Variants in ULK4 observed in about 807,000 individuals in gnomAD.
The protein encoded by ULK4 is inactive serine/threonine-protein kinase ULK4.
ULK4 carries 133 observed loss-of-function variants against 160.6 expected under a neutral mutation model. The observed-to-expected ratio is 0.83, with a 90% CI of 0.72 to 0.96. The LOEUF is 0.96. Among genes scored for constraint, ULK4 ranks in the 40% least tolerant of loss-of-function variants. ULK4 has a pLI of 0.00. For synonymous variants in ULK4, 534 were observed against 539.8 expected, an observed-to-expected ratio of 0.99 and a Z score of 0.15; for missense variants, 1,580 against 1,499.5, an observed-to-expected ratio of 1.05 and a Z score of -0.89.
rs574588000 is a variant in ULK4 at position 41,780,012 on chromosome 3, A to G, written c.2193+9649T>C. Among the ~76,000 whole-genome samples the G allele has an allele frequency of 2.0e-5, 3 of 150,192 alleles. No individual in the cohort carries two copies. The South Asian group carries it at 6.3e-4, about 31-fold the overall frequency. On this transcript the variant is annotated intron_variant, in intron 21 of 36. Transcript: ENST00000301831. ...AAAAAAAAAAAAAAAAAAAAGGTAC[A>G]AAATGGGCCAGATGCCGTGGCTCAC...
Position 41,256,005 on chromosome 3 carries a change from T to C in ULK4, c.3679-6431A>G, listed in dbSNP as rs2078828355. ...CTGACAAATTCCAAAGGTATAAATC[T>C]GATAAAATATATCAGGATCTCTATG... On this transcript the variant is annotated intron_variant, in intron 35 of 36. Transcript: ENST00000301831. Among the ~76,000 whole-genome samples the C allele has an allele frequency of 2.0e-5, 3 of 152,338 alleles. No homozygotes were observed. The South Asian group carries it at 6.2e-4, about 32-fold the overall frequency.
intron 16 of ULK4, among the ~76,000 whole-genome samples, chr3:41,891,485 G>GGA (rs1697963213): frequency 7.7e-6 from 1 of 130,398 alleles, no homozygotes; most frequent in African/African-American, 2.8e-5. Context: ...ACAGAAGAGG[G>GGA]AAAAAAAAAA....
chr3:41,533,503 G>A (rs1292911272), intron 32 of ULK4, among the ~76,000 whole-genome samples: 1 of 152,142 alleles, frequency 6.6e-6, no homozygotes, highest in African/African-American at 2.4e-5. Flanking sequence ...AGAGTAGTTT[G>A]GGAAGCGTTT....
chr3:41,743,697 G>C (rs966874487), intron 22 of ULK4, among the ~76,000 whole-genome samples: 1 of 151,778 alleles, frequency 6.6e-6, no homozygotes, highest in Admixed American at 6.6e-5. Flanking sequence ...AGGGAGCCTT[G>C]CTCTGTTGCC....
Position 41,844,229 on chromosome 3 carries a change from G to A in ULK4, c.1657-8258C>T, listed in dbSNP as rs542019092. ...CAGCATGGAGCAGGGGGCGGCGCTC[G>A]CTGGGGAGACTCGGGCTGCACAGGA... On this transcript the variant is annotated intron_variant, in intron 17 of 36. Coordinates refer to ENST00000301831, the MANE Select transcript of ULK4 (RefSeq NM_017886.4). 2.4e-4 allele frequency among the ~76,000 whole-genome samples: 37 copies of A among 152,222 alleles called. No individual in the cohort carries two copies. The East Asian group carries it at 6.0e-3, about 25-fold the overall frequency.
chr3:41,819,568 T>C, intron 18 of ULK4, 62 bp from the exon 19 acceptor site: 3 of 1,441,250 alleles, frequency 2.1e-6, no homozygotes, highest in South Asian at 2.4e-5. Flanking sequence ...ATTAACCCAT[T>C]CAAGCAAATG....
intron 21 of ULK4, among the ~76,000 whole-genome samples, chr3:41,759,892 A>G (rs949540938): frequency 9.2e-5 from 14 of 152,176 alleles, no homozygotes; most frequent in Admixed American, 3.9e-4. Context: ...ACACCTGAAC[A>G]TCCACATGCA....
At chr3:41,938,308 A>G in intron 2 of ULK4, 111 bp from the exon 3 acceptor site, 2 of 744,772 alleles carry the variant, frequency 2.7e-6, no homozygotes, top group Middle Eastern at 3.2e-4. Flanking sequence ...GGTGACATTT[A>G]TTTGGTGGAA....
At chr3:41,549,521 A>G (rs1302881233) in intron 32 of ULK4, among the ~76,000 whole-genome samples, 1 of 152,150 alleles carries the variant, frequency 6.6e-6, no homozygotes, top group Non-Finnish European at 1.5e-5. Flanking sequence ...TAAAAAATCA[A>G]AAAAGCTTCT....
intron 35 of ULK4, among the ~76,000 whole-genome samples, chr3:41,281,404 A>G (rs1260996853): frequency 6.6e-6 from 1 of 152,206 alleles, no homozygotes; most frequent in African/African-American, 2.4e-5. Context: ...AATCCTCAAT[A>G]AAATATTGGG....
At position 41,398,199 on chromosome 3, in the gene ULK4, C is replaced by A. The variant is rs968997585; in HGVS notation, c.3558G>T (p.Leu1186=). The part of the protein sequence containing the change: ...SSKCLSILVQ[L]YGGENPDSLS... Reference sequence around the variant, plus strand: ...GGCTGTCCGGGTTTTCCCCTCCATACAGCTGAACCAGTATAGACAGGCACT... The same window carrying A: ...GGCTGTCCGGGTTTTCCCCTCCATAAAGCTGAACCAGTATAGACAGGCACT... The change falls in exon 35 of 37, where the codon CTG becomes CTT. Residue 1186 remains leucine (L), a synonymous_variant. Coordinates refer to ENST00000301831, the MANE Select transcript of ULK4 (RefSeq NM_017886.4). The A allele has an allele frequency of 3.1e-6, 5 of 1,613,414 alleles. No homozygotes were observed. Among genetic ancestry groups the A allele is most frequent in the South Asian group, 2.2e-5 (2 of 91,030 alleles).
At chr3:41,686,365 G>T (rs938386564) in intron 27 of ULK4, among the ~76,000 whole-genome samples, 1 of 152,164 alleles carries the variant, frequency 6.6e-6, no homozygotes, top group African/African-American at 2.4e-5. Flanking sequence ...GAGGAAGGAA[G>T]TACGTGTTAT....
rs1415659670 is a variant in ULK4 at position 41,391,535 on chromosome 3, A to C, written c.3678+6544T>G. 2.6e-5 allele frequency among the ~76,000 whole-genome samples: 4 copies of C among 151,818 alleles called. No homozygotes were observed. In the East Asian group the frequency reaches 5.8e-4, roughly 22 times the overall value. On this transcript the variant is annotated intron_variant, in intron 35 of 36. Coordinates refer to ENST00000301831, the MANE Select transcript of ULK4 (RefSeq NM_017886.4). Reference sequence around the variant, plus strand: ...GGAATATTTCTTTACTTTTCTATCTAGTAGAAAGAGTGCCTCTTCTGATTC... The same window carrying C: ...GGAATATTTCTTTACTTTTCTATCTCGTAGAAAGAGTGCCTCTTCTGATTC...
intron 32 of ULK4, among the ~76,000 whole-genome samples, chr3:41,471,399 T>C (rs1176947744): frequency 6.6e-6 from 1 of 152,130 alleles, no homozygotes; most frequent in Non-Finnish European, 1.5e-5. Context: ...AATACAAGAA[T>C]AGTATGGGAC....
chr3:41,815,630 C>G (rs918626457), intron 19 of ULK4, among the ~76,000 whole-genome samples: 1 of 152,186 alleles, frequency 6.6e-6, no homozygotes, highest in African/African-American at 2.4e-5. Context: ...AATACGTCCT[C>G]AATGCCCTCC....
chr3:41,356,906 G>C (rs2081041655), intron 35 of ULK4, among the ~76,000 whole-genome samples: 1 of 152,146 alleles, frequency 6.6e-6, no homozygotes, highest in Non-Finnish European at 1.5e-5. Flanking sequence ...GAAAACACCT[G>C]CTCCCCACAC....
At chr3:41,325,004 A>G (rs554121890) in intron 35 of ULK4, among the ~76,000 whole-genome samples, 1 of 152,156 alleles carries the variant, frequency 6.6e-6, no homozygotes, top group Non-Finnish European at 1.5e-5. Flanking sequence ...CTACCCAGCC[A>G]AATGAGATCA....
chr3:41,851,380 G>T lies in ULK4; in HGVS notation c.1657-15409C>A, dbSNP rs537349033. 1.7e-4 allele frequency among the ~76,000 whole-genome samples: 26 copies of T among 152,236 alleles called. 1 individual carries two copies. The highest frequency in any genetic ancestry group is 4.3e-4 in the African/African-American group (18 of 41,544). ...TTCTGTTTATATGCTGGATTACGTTGATTGATTTGCGTATGTTGAACCAGC... is the reference window on the plus strand; with the variant it reads ...TTCTGTTTATATGCTGGATTACGTTTATTGATTTGCGTATGTTGAACCAGC... On this transcript the variant is annotated intron_variant, in intron 17 of 36. Transcript: ENST00000301831.
chr3:41,775,854 T>C (rs1045897206), intron 21 of ULK4, among the ~76,000 whole-genome samples: 10 of 150,994 alleles, frequency 6.6e-5, no homozygotes, highest in African/African-American at 2.5e-4. Context: ...TTCAATCTAG[T>C]TTGTTCATTT....
Sources: gnomAD v4.1 joint callset for allele counts (sites outside exome capture counted in the v4.1 genomes callset) on GRCh38, gnomAD v4.1.1 for gene constraint, MANE v1.5 for transcripts, NCBI Gene and HGNC (gene_info 2026-07-23, HGNC 2026-07-21) for gene names.